Variants in RARB observed in about 807,000 individuals in gnomAD.
RARB encodes retinoic acid receptor beta.
RARB carries 17 observed loss-of-function variants against 51.9 expected under a neutral mutation model. The observed-to-expected ratio is 0.33, with a 90% CI of 0.22 to 0.49. The LOEUF (loss-of-function observed/expected upper bound fraction) is 0.49. Ranked by LOEUF, RARB falls within the 20% of genes least tolerant of loss-of-function variation. The pLI, the probability that RARB is intolerant of heterozygous loss-of-function variation, is 0.99. For missense variants in RARB, 369 were observed against 550.8 expected, an observed-to-expected ratio of 0.67 and a Z score of 3.30; for synonymous variants, 215 against 195.4, an observed-to-expected ratio of 1.10 and a Z score of -0.84.
At chr3:24,937,427 T>C (rs899026852) in intron 2 of RARB, among the ~76,000 whole-genome samples, 1 of 152,240 alleles carries the variant, frequency 6.6e-6, no homozygotes, top group East Asian at 1.9e-4. Flanking sequence ...TGTCCTACTT[T>C]ATCTTACTTT....
At chr3:24,883,815 T>C (rs1353252829) in intron 2 of RARB, among the ~76,000 whole-genome samples, 1 of 152,146 alleles carries the variant, frequency 6.6e-6, no homozygotes. Context: ...ACTGAAATAG[T>C]AATCAGAGGG....
intron 5 of RARB, among the ~76,000 whole-genome samples, chr3:25,211,122 T>A (rs1159990247): frequency 6.6e-6 from 1 of 152,234 alleles, no homozygotes; most frequent in Non-Finnish European, 1.5e-5. Context: ...TTAACTTTTA[T>A]TCATCAGATC....
intron 3 of RARB, among the ~76,000 whole-genome samples, chr3:25,123,310 G>A (rs1431897281): frequency 6.6e-6 from 1 of 152,090 alleles, no homozygotes; most frequent in African/African-American, 2.4e-5. Flanking sequence ...ATCTGTTTAG[G>A]GGTGGAATAG....
chr3:24,862,537 C>T (rs2125342949), intron 2 of RARB, among the ~76,000 whole-genome samples: 1 of 152,348 alleles, frequency 6.6e-6, no homozygotes, highest in African/African-American at 2.4e-5. Flanking sequence ...AATAAAATCT[C>T]TGGCTCTCCT....
At chr3:25,502,603 C>G (rs1697371902) in intron 3 of RARB, among the ~76,000 whole-genome samples, 2 of 152,192 alleles carry the variant, frequency 1.3e-5, no homozygotes, top group South Asian at 2.1e-4. Flanking sequence ...CTGGGATCCA[C>G]TCAGTCAATT....
At chr3:24,836,549 C>T (rs1316262000) in intron 1 of RARB, among the ~76,000 whole-genome samples, 1 of 152,154 alleles carries the variant, frequency 6.6e-6, no homozygotes, top group African/African-American at 2.4e-5. Context: ...TGTCAGCATC[C>T]TCCAAATGGC....
At chr3:25,194,275 G>C (rs902708186) in intron 5 of RARB, among the ~76,000 whole-genome samples, 3 of 151,704 alleles carry the variant, frequency 2.0e-5, no homozygotes, top group African/African-American at 7.3e-5. Flanking sequence ...AGGCAGACTT[G>C]TAGTTGTGTA....
intron 4 of RARB, 86 bp downstream of exon 4, chr3:25,570,004 AC>A: frequency 7.0e-7 from 1 of 1,420,196 alleles, no homozygotes; most frequent in Non-Finnish European, 9.6e-7. Flanking sequence ...ACACACACAC[AC>A]ACACACACAC....
At chr3:25,562,348 A>T (rs1051356555) in intron 3 of RARB, among the ~76,000 whole-genome samples, 1 of 152,098 alleles carries the variant, frequency 6.6e-6, no homozygotes, top group African/African-American at 2.4e-5. Context: ...AGTGTCTTTA[A>T]TTTCCTTTTT....
At chr3:25,293,779 G>A (rs1703849121) in intron 5 of RARB, among the ~76,000 whole-genome samples, 1 of 152,070 alleles carries the variant, frequency 6.6e-6, no homozygotes, top group South Asian at 2.1e-4. Context: ...TCTTCTGCCT[G>A]TTCTCTGCCA....
At chr3:25,163,516 T>A (rs879580603) in intron 4 of RARB, among the ~76,000 whole-genome samples, 11,849 of 46,724 alleles carry the variant, frequency 0.25, 831 homozygotes, top group South Asian at 0.43. Flanking sequence ...TATATATATA[T>A]ATATATATAT....
At chr3:24,862,317 T>A (rs796408350) in intron 2 of RARB, among the ~76,000 whole-genome samples, 161 of 152,318 alleles carry the variant, frequency 1.1e-3, no homozygotes, top group African/African-American at 3.8e-3. Flanking sequence ...TAGCGAATTA[T>A]ATGATTTTTC....
chr3:25,205,107 C>G (rs1005856835), intron 5 of RARB, among the ~76,000 whole-genome samples: 1 of 152,180 alleles, frequency 6.6e-6, no homozygotes, highest in African/African-American at 2.4e-5. Context: ...TGGTTACCTA[C>G]TCAAGCCTCA....
intron 3 of RARB, among the ~76,000 whole-genome samples, chr3:25,543,393 C>T (rs900059140): frequency 3.3e-5 from 5 of 152,180 alleles, no homozygotes; most frequent in South Asian, 2.1e-4. Flanking sequence ...CCTTGACATA[C>T]ATCCTCCAAA....
chr3:25,274,152 A>G (rs1468999736), intron 5 of RARB, among the ~76,000 whole-genome samples: 1 of 152,184 alleles, frequency 6.6e-6, no homozygotes, highest in East Asian at 1.9e-4. Context: ...CAGTGAAATT[A>G]ATTTCAACAA....
intron 5 of RARB, among the ~76,000 whole-genome samples, chr3:25,586,109 T>C (rs972403334): frequency 6.6e-6 from 1 of 152,150 alleles, no homozygotes; most frequent in Non-Finnish European, 1.5e-5. Flanking sequence ...TGGCACTGCC[T>C]CGAGCCTCAG....
At chr3:24,879,450 A>T (rs1167209196) in intron 2 of RARB, among the ~76,000 whole-genome samples, 2 of 151,224 alleles carry the variant, frequency 1.3e-5, no homozygotes, top group Non-Finnish European at 2.9e-5. Context: ...AAAATAAAAA[A>T]TAAAAAAATT....
At chr3:25,467,537 G>C (rs4088017) in intron 2 of RARB, among the ~76,000 whole-genome samples, 1 of 44,138 alleles carries the variant, frequency 2.3e-5, no homozygotes, top group Non-Finnish European at 5.1e-5. Flanking sequence ...CTTATCCAGT[G>C]AACCAGCTCA....
intron 5 of RARB, among the ~76,000 whole-genome samples, chr3:25,240,129 C>G (rs1702396509): frequency 6.7e-6 from 1 of 150,190 alleles, no homozygotes; most frequent in Non-Finnish European, 1.5e-5. Flanking sequence ...TGATTTCATT[C>G]TCGGTTAGTT....
Sources: allele counts gnomAD v4.1 joint callset (sites outside exome capture counted in the v4.1 genomes callset), GRCh38; gene constraint gnomAD v4.1.1; transcripts MANE v1.5; gene names NCBI Gene and HGNC (gene_info 2026-07-23, HGNC 2026-07-21).